Variants in TESK2 observed in about 807,000 individuals in gnomAD.
The protein encoded by TESK2 is dual specificity testis-specific protein kinase 2.
A neutral mutation model predicts 57.1 loss-of-function variants in TESK2; 39 were observed. The observed-to-expected ratio is 0.68, with a 90% CI of 0.53 to 0.89. TESK2 has a LOEUF of 0.89. TESK2 is among the 40% of genes least tolerant of loss of function. TESK2 has a pLI of 0.00. For missense variants in TESK2, 646 were observed against 732.1 expected, an observed-to-expected ratio of 0.88 and a Z score of 1.36; for synonymous variants, 249 against 267.9, an observed-to-expected ratio of 0.93 and a Z score of 0.69.
At chr1:45,347,841 C>T in intron 6 of TESK2, 77 bp downstream of exon 6, 3 of 1,460,170 alleles carry the variant, frequency 2.1e-6, no homozygotes, top group Non-Finnish European at 2.9e-6. Flanking sequence ...GTCCTGGCCT[C>T]TGGGGAGGAG....
In TESK2 at chr1:45,457,918, A is replaced by G. The variant is rs1652173793; in HGVS notation, c.-86-47T>C. ...CCACTGAAATCTTTAATGAATAAAT[A>G]CATGTAAAGCAATAAATGCTCAATG... On this transcript the variant is annotated intron_variant, in intron 1 of 10. Coordinates refer to ENST00000372086, the MANE Select transcript of TESK2 (RefSeq NM_007170.3). 6 of 677,254 alleles carry G rather than the reference A, an allele frequency of 8.9e-6. No homozygotes were observed. In the East Asian group the frequency reaches 1.4e-4, roughly 15 times the overall value. The allele number at this position is 677,254 out of a possible 1,614,324, so 42.0% of individuals were successfully genotyped here.
chr1:45,456,501 A>G (rs933474644), intron 2 of TESK2, among the ~76,000 whole-genome samples: 4 of 152,054 alleles, frequency 2.6e-5, no homozygotes, highest in African/African-American at 9.7e-5. Flanking sequence ...CCTGGGCAAC[A>G]GAGTGAGACT....
rs938939832 is a variant in TESK2 at position 45,433,336 on chromosome 1, C to T, written c.223-11490G>A. 5.1e-4 allele frequency among the ~76,000 whole-genome samples: 78 copies of T among 152,210 alleles called. 1 individual carries two copies. The highest frequency in any genetic ancestry group is 1.8e-3 in the African/African-American group (73 of 41,544). On this transcript the variant is annotated intron_variant, in intron 2 of 10. Coordinates refer to ENST00000372086, the MANE Select transcript of TESK2 (RefSeq NM_007170.3). Reference sequence around the variant, plus strand: ...TCAAGTGATCTGCCCTCCTTGGCCTCCCAAAGTGCTGAGATTACAGGCATG... The same window carrying T: ...TCAAGTGATCTGCCCTCCTTGGCCTTCCAAAGTGCTGAGATTACAGGCATG...
At chr1:45,439,863 C>T (rs548573792) in intron 2 of TESK2, among the ~76,000 whole-genome samples, 1 of 152,248 alleles carries the variant, frequency 6.6e-6, no homozygotes, top group South Asian at 2.1e-4. Flanking sequence ...GAGGCTGAGG[C>T]AGGAGGATCA....
chr1:45,385,817 A>G, intron 4 of TESK2, 95 bp downstream of exon 4: 3 of 809,182 alleles, frequency 3.7e-6, no homozygotes, highest in South Asian at 3.6e-5. Context: ...AAATGCACAT[A>G]CATTTTGTTT....
chr1:45,349,074 G>T (rs1037557508), intron 5 of TESK2, among the ~76,000 whole-genome samples: 1 of 151,422 alleles, frequency 6.6e-6, no homozygotes, highest in Non-Finnish European at 1.5e-5. Context: ...GGGATCCTTG[G>T]CTCACAGAAA....
At chr1:45,485,897 TA>T (rs34790216) in intron 1 of TESK2, among the ~76,000 whole-genome samples, 43 of 149,490 alleles carry the variant, frequency 2.9e-4, no homozygotes, top group South Asian at 1.5e-3. Context: ...AAATGTATCT[TA>T]AAAAAAAAAA....
At position 45,457,595 on chromosome 1, in the gene TESK2, A is replaced by G. The variant is rs763761830; in HGVS notation, c.191T>C (p.Ile64Thr). The G allele has an allele frequency of 6.2e-7, 1 of 1,613,982 alleles. No individual in the cohort carries two copies. The highest frequency in any genetic ancestry group is 1.7e-5 in the Admixed American group (1 of 59,992). The change falls in exon 2 of 11, where the codon ATA (isoleucine) becomes ACA (threonine). Residue 64 changes from isoleucine to threonine, a missense_variant. By Grantham distance (89) the Ile-to-Thr change is moderately conservative. Transcript: ENST00000372086. ...TRLDDFTCEK[I>T]GSGFFSEVFK... ...CACTTCAGAAAAGAAGCCAGACCCT[A>G]TTTTTTCACAGGTGAAATCATCCAA...
intron 4 of TESK2, among the ~76,000 whole-genome samples, chr1:45,367,734 TGCAACCTCTGCCTC>T (rs1647991787): frequency 6.8e-6 from 1 of 148,054 alleles, no homozygotes; most frequent in Non-Finnish European, 1.5e-5. Flanking sequence ...CTTGGCTCAC[TGCAACCTCTGCCTC>T]CCAGGTTCAA....
chr1:45,360,648 C>G (rs573642097), intron 4 of TESK2, among the ~76,000 whole-genome samples: 1 of 152,290 alleles, frequency 6.6e-6, no homozygotes, highest in Non-Finnish European at 1.5e-5. Context: ...AACCAAGGAC[C>G]AGAGAGGGAA....
chr1:45,373,472 C>G (rs1374433690), intron 4 of TESK2, among the ~76,000 whole-genome samples: 2 of 152,176 alleles, frequency 1.3e-5, no homozygotes, highest in Non-Finnish European at 2.9e-5. Context: ...GCTACTTGTG[C>G]CTAGTATTAC....
intron 3 of TESK2, among the ~76,000 whole-genome samples, chr1:45,418,685 GGTCATTATTATTATT>G (rs1161224750): frequency 3.9e-5 from 6 of 151,930 alleles, no homozygotes. Context: ...TTCAATAAAT[GGTCATTATTATTATT>G]GTCATTATTA....
chr1:45,412,112 C>T (rs1007911315), intron 3 of TESK2, among the ~76,000 whole-genome samples: 10 of 152,198 alleles, frequency 6.6e-5, no homozygotes, highest in Non-Finnish European at 1.3e-4. Flanking sequence ...GCTGGAAAAA[C>T]AGACTGAACC....
chr1:45,456,679 A>G (rs1652118232), intron 2 of TESK2, among the ~76,000 whole-genome samples: 1 of 152,136 alleles, frequency 6.6e-6, no homozygotes, highest in African/African-American at 2.4e-5. Context: ...GGCAATGCCT[A>G]TTAGTAGGCA....
At chr1:45,477,515 G>A (rs1346564144) in intron 1 of TESK2, among the ~76,000 whole-genome samples, 2 of 151,882 alleles carry the variant, frequency 1.3e-5, no homozygotes, top group Non-Finnish European at 2.9e-5. Flanking sequence ...CCAGCTACTC[G>A]GGAGGCTGAG....
chr1:45,439,543 T>G (rs1651356901), intron 2 of TESK2, among the ~76,000 whole-genome samples: 1 of 152,196 alleles, frequency 6.6e-6, no homozygotes, highest in African/African-American at 2.4e-5. Context: ...TTACGCATAA[T>G]AGTTCATTAT....
intron 2 of TESK2, among the ~76,000 whole-genome samples, chr1:45,443,885 T>C (rs1651545986): frequency 6.6e-6 from 1 of 152,110 alleles, no homozygotes; most frequent in South Asian, 2.1e-4. Flanking sequence ...AGTAAATATC[T>C]TAGGCTTTGA....
chr1:45,468,532 T>C (rs1046267247), intron 1 of TESK2, among the ~76,000 whole-genome samples: 1 of 152,154 alleles, frequency 6.6e-6, no homozygotes, highest in East Asian at 1.9e-4. Flanking sequence ...TTATAAAATG[T>C]GGGAATGATT....
At position 45,430,914 on chromosome 1, in the gene TESK2, C is replaced by CA. The variant is rs1162317247; in HGVS notation, c.223-9069dup. On this transcript the variant is annotated intron_variant, in intron 2 of 10. Transcript: ENST00000372086. The stretch of plus-strand genomic sequence containing the variant: ...TACAGTTTTATAAGGCAGAATCACC[C>CA]AAAAAATTCTGGAGATAATCCTCCA... Among the ~76,000 whole-genome samples, 7 of 152,104 alleles carry CA rather than the reference C, an allele frequency of 4.6e-5. No homozygotes were observed. The East Asian group carries it at 5.8e-4, about 13-fold the overall frequency.
Sources: allele counts gnomAD v4.1 joint callset (sites outside exome capture counted in the v4.1 genomes callset), GRCh38; gene constraint gnomAD v4.1.1; transcripts MANE v1.5; gene names NCBI Gene and HGNC (gene_info 2026-07-23, HGNC 2026-07-21).